The following STX11 variants were observed in gnomAD, a reference collection of about 807,000 sequenced individuals.
STX11 encodes syntaxin 11.
In STX11, 21 loss-of-function variants were observed where a neutral mutation model predicts 19.9. The observed-to-expected ratio is 1.06, with a 90% CI of 0.75 to 1.52. STX11 has a LOEUF of 1.52. STX11 is among the 40% of genes most tolerant of loss of function. The pLI, the probability that STX11 is intolerant of heterozygous loss-of-function variation, is 0.00. For synonymous variants in STX11, 193 were observed against 174.4 expected (o/e 1.11, Z -0.84); for missense variants, 438 against 405.9 (o/e 1.08, Z -0.68).
chr6:144,175,519 C>G lies in STX11; in HGVS notation c.-5-11104C>G, dbSNP rs183162011. On this transcript the variant is annotated intron_variant, in intron 1 of 1. Coordinates refer to ENST00000367568, the MANE Select transcript of STX11 (RefSeq NM_003764.4). The surrounding 1 kb of genome is among the most constrained non-coding windows in gnomAD (Gnocchi z 5.1). Reference sequence around the variant, plus strand: ...ATGGGGTTTCACCATGTTGACCAGGCTGGTCTTGAACTCCTGAACTTAGGT... The same window carrying G: ...ATGGGGTTTCACCATGTTGACCAGGGTGGTCTTGAACTCCTGAACTTAGGT... Among the ~76,000 whole-genome samples the G allele has an allele frequency of 1.7e-3, 253 of 152,160 alleles. 1 individual carries two copies. Among genetic ancestry groups the G allele is most frequent in the Middle Eastern group, 0.01 (3 of 294 alleles).
At chr6:144,142,010 A>G in the STX11 span, among the ~76,000 whole-genome samples, 517 of 151,702 alleles carry the variant, frequency 3.4e-3, 3 homozygotes, top group African/African-American at 0.012. Context: ...ATTGTTCTTG[A>G]ATTATTAATG....
At position 144,191,672 on chromosome 6, in the gene STX11, T is replaced by C. The variant is rs2128759313; in HGVS notation, c.*4181T>C. On this transcript the variant is annotated 3_prime_UTR_variant, in exon 2 of 2. Coordinates refer to ENST00000367568, the MANE Select transcript of STX11 (RefSeq NM_003764.4). ...CCAACTGCAGCATGCAACTCATTCA[T>C]TTGTAATCAAGACGATAGTTTGAAA... is the stretch of plus-strand genomic sequence containing the variant. Among the ~76,000 whole-genome samples the C allele has an allele frequency of 6.6e-6, 1 of 152,346 alleles. No individual in the cohort carries two copies. Among genetic ancestry groups the C allele is most frequent in the East Asian group, 1.9e-4 (1 of 5,190 alleles).
Position 144,176,176 on chromosome 6 carries a change from C to T in STX11, c.-5-10447C>T, listed in dbSNP as rs1211467405. ...AGAAACAGAGCAGAGAATATTGCTC[C>T]TTAACAACACTAGCGCCTCCCGACC... On this transcript the variant is annotated intron_variant, in intron 1 of 1. Coordinates refer to ENST00000367568, the MANE Select transcript of STX11 (RefSeq NM_003764.4). This position sits in a 1 kb window ranked among gnomAD's most constrained non-coding sequence, Gnocchi z 4.1. Among the ~76,000 whole-genome samples the T allele has an allele frequency of 1.3e-5, 2 of 152,138 alleles. No homozygotes were observed.
Position 144,162,515 on chromosome 6 carries a change from G to A in STX11, c.-6+11812G>A, listed in dbSNP as rs55714082. ...CTATTTTATCCAGAATGTGGAAGGC[G>A]TCTTCAAAAATGCAAATATGCTTTC... On this transcript the variant is annotated intron_variant, in intron 1 of 1. Coordinates refer to ENST00000367568, the MANE Select transcript of STX11 (RefSeq NM_003764.4). The surrounding 1 kb of genome is among the most constrained non-coding windows in gnomAD (Gnocchi z 4.6). Among the ~76,000 whole-genome samples, 9,614 of 152,190 alleles carry A rather than the reference G, an allele frequency of 0.063. 956 individuals are homozygous for A. The highest frequency in any genetic ancestry group is 0.21 in the African/African-American group (8,811 of 41,468).
the STX11 span, among the ~76,000 whole-genome samples, chr6:144,144,154 C>G: frequency 6.6e-6 from 1 of 152,106 alleles, no homozygotes; most frequent in Non-Finnish European, 1.5e-5. Flanking sequence ...GTGCTAGGCT[C>G]TAGGTAAAAA....
At position 144,174,256 on chromosome 6, in the gene STX11, A is replaced by G. The variant is rs1252839650; in HGVS notation, c.-5-12367A>G. ...TTGCATCATATTTGCTAATGTCTCA[A>G]TGGTCAAAGCAAATCTCAGTCTCAT... On this transcript the variant is annotated intron_variant, in intron 1 of 1. Transcript: ENST00000367568. This position sits in a 1 kb window ranked among gnomAD's most constrained non-coding sequence, Gnocchi z 5.3. Among the ~76,000 whole-genome samples, 2 of 152,218 alleles carry G rather than the reference A, an allele frequency of 1.3e-5. No homozygotes were observed. Among genetic ancestry groups the G allele is most frequent in the Non-Finnish European group, 2.9e-5 (2 of 68,034 alleles).
At chr6:144,140,254 A>ATTTTT in the STX11 span, among the ~76,000 whole-genome samples, 9 of 38,886 alleles carry the variant, frequency 2.3e-4, no homozygotes, top group African/African-American at 1.2e-3. Flanking sequence ...ATATATATAT[A>ATTTTT]TTTATTTATT....
chr6:144,140,262 A>ATATATATT, the STX11 span, among the ~76,000 whole-genome samples: 1 of 55,124 alleles, frequency 1.8e-5, no homozygotes, highest in Non-Finnish European at 3.2e-5. Context: ...ATATTTATTT[A>ATATATATT]TTTATTTTTT....
chr6:144,147,913 T>C (rs1007755748), upstream of STX11, among the ~76,000 whole-genome samples: 2 of 152,014 alleles, frequency 1.3e-5, no homozygotes, highest in African/African-American at 2.4e-5. The surrounding 1 kb of genome is among the most constrained non-coding windows in gnomAD (Gnocchi z 4.2). Context: ...CTCAAAAAAA[T>C]TAAAAATGTC....
At chr6:144,148,351 C>T (rs887764037), upstream of STX11, among the ~76,000 whole-genome samples, 2 of 152,208 alleles carry the variant, frequency 1.3e-5, no homozygotes, top group Non-Finnish European at 2.9e-5. Flanking sequence ...ATCCCAATAG[C>T]TGCATTGTTT....
upstream of STX11, among the ~76,000 whole-genome samples, chr6:144,145,593 T>C (rs1342499716): frequency 6.6e-6 from 1 of 152,180 alleles, no homozygotes; most frequent in East Asian, 1.9e-4. Context: ...AATCTTGTCA[T>C]TGTGACAACA....
At position 144,151,358 on chromosome 6, in the gene STX11, C is replaced by G. The variant is rs1245169218; in HGVS notation, c.-6+655C>G. ...TGTATTACTTCCTGTGGTTCTCACG[C>G]ACTTGTTTCAGCCGTTTCTCAGCAG... On this transcript the variant is annotated intron_variant, in intron 1 of 1. Coordinates refer to ENST00000367568, the MANE Select transcript of STX11 (RefSeq NM_003764.4). The surrounding 1 kb of genome is among the most constrained non-coding windows in gnomAD (Gnocchi z 4.6). 1.0e-6 allele frequency: 1 copy of G among 985,430 alleles called. No individual in the cohort carries two copies. 61.0% of individuals were successfully genotyped at this position (985,430 alleles called of 1,614,324 possible). A position where few individuals can be genotyped will look rare whatever the true frequency, so the allele number is the denominator to read the frequency against.
chr6:144,179,646 A>C (rs1400437640), intron 1 of STX11, among the ~76,000 whole-genome samples: 1 of 152,194 alleles, frequency 6.6e-6, no homozygotes, highest in Non-Finnish European at 1.5e-5. Context: ...CACAGATGAG[A>C]GAGACTGGCA....
chr6:144,151,422 C>G lies in STX11; in HGVS notation c.-6+719C>G, dbSNP rs1801004095. On this transcript the variant is annotated intron_variant, in intron 1 of 1. Coordinates refer to ENST00000367568, the MANE Select transcript of STX11 (RefSeq NM_003764.4). The surrounding 1 kb of genome is among the most constrained non-coding windows in gnomAD (Gnocchi z 4.6). ...TATTTACAGGTATCCAAAAATGAGTCACAGGGCTGCTCTCTTAATTGTGAG... is the reference window on the plus strand; with the variant it reads ...TATTTACAGGTATCCAAAAATGAGTGACAGGGCTGCTCTCTTAATTGTGAG... 1 of 985,258 alleles carries G rather than the reference C, an allele frequency of 1.0e-6. No homozygotes were observed. Among genetic ancestry groups the G allele is most frequent in the South Asian group, 4.7e-5 (1 of 21,288 alleles). The allele number at this position is 985,258 out of a possible 1,614,324, so 61.0% of individuals were successfully genotyped here. A position where few individuals can be genotyped will look rare whatever the true frequency, so the allele number is the denominator to read the frequency against.
chr6:144,170,688 CCT>C lies in STX11; in HGVS notation c.-5-15933_-5-15932del, dbSNP rs1350604200. Reference sequence around the variant, plus strand: ...ATAGTTGGAAGAAAGATATTTAAAACCTCAAGTAATTGAGTAATGCACAGGTA... The same window carrying C: ...ATAGTTGGAAGAAAGATATTTAAAACCAAGTAATTGAGTAATGCACAGGTA... On this transcript the variant is annotated intron_variant, in intron 1 of 1. Coordinates refer to ENST00000367568, the MANE Select transcript of STX11 (RefSeq NM_003764.4). The surrounding 1 kb of genome is among the most constrained non-coding windows in gnomAD (Gnocchi z 4.7). 6.6e-6 allele frequency among the ~76,000 whole-genome samples: 1 copy of C among 152,082 alleles called. No homozygotes were observed. Among genetic ancestry groups the C allele is most frequent in the East Asian group, 1.9e-4 (1 of 5,204 alleles).
In STX11 at chr6:144,154,168, C is replaced by T. The variant is rs1322717919; in HGVS notation, c.-6+3465C>T. ...AGCACTTGGTTCCAGAGCTTGCATTCTGAAGCACCCTGCTGTGATGTGCTG... is the reference window on the plus strand; with the variant it reads ...AGCACTTGGTTCCAGAGCTTGCATTTTGAAGCACCCTGCTGTGATGTGCTG... On this transcript the variant is annotated intron_variant, in intron 1 of 1. Transcript: ENST00000367568. The surrounding 1 kb of genome is among the most constrained non-coding windows in gnomAD (Gnocchi z 4.7). Among the ~76,000 whole-genome samples the T allele has an allele frequency of 2.0e-5, 3 of 152,184 alleles. No homozygotes were observed. Among genetic ancestry groups the T allele is most frequent in the Non-Finnish European group, 4.4e-5 (3 of 68,036 alleles).
At position 144,150,548 on chromosome 6, in the gene STX11, G is replaced by A; in HGVS notation, c.-161G>A. ...GGCCGCGGCGGCGCGGAGCTCGGGC[G>A]GCCGTGGAGGAACTCAGCCTCGGCC... On this transcript the variant is annotated 5_prime_UTR_variant, in exon 1 of 2. Transcript: ENST00000367568. 1.0e-6 allele frequency: 1 copy of A among 985,418 alleles called. No individual in the cohort carries two copies. Among genetic ancestry groups the A allele is most frequent in the Non-Finnish European group, 1.2e-6 (1 of 829,952 alleles). 61.0% of individuals were successfully genotyped at this position (985,418 alleles called of 1,614,324 possible). A position where few individuals can be genotyped will look rare whatever the true frequency, so the allele number is the denominator to read the frequency against.
upstream of STX11, among the ~76,000 whole-genome samples, chr6:144,147,338 G>C (rs1344927678): frequency 1.3e-5 from 2 of 152,064 alleles, no homozygotes; most frequent in African/African-American, 4.8e-5. The surrounding 1 kb of genome is among the most constrained non-coding windows in gnomAD (Gnocchi z 4.2). Context: ...CCATTCCTCA[G>C]TTTTCCGTCC....
chr6:144,191,774 G>A lies in STX11; in HGVS notation c.*4283G>A, dbSNP rs145148729. Among the ~76,000 whole-genome samples the A allele has an allele frequency of 3.0e-3, 458 of 152,170 alleles. 1 individual carries two copies. The highest frequency in any genetic ancestry group is 0.01 in the African/African-American group (416 of 41,488). On this transcript the variant is annotated 3_prime_UTR_variant, in exon 2 of 2. Transcript: ENST00000367568. ...AAAATCATTGCAATTAATAAAATGG[G>A]GCTATTAGAAATGGAAAACGAATAG...
Sources: gnomAD v4.1 joint callset for allele counts (sites outside exome capture counted in the v4.1 genomes callset) on GRCh38, gnomAD v4.1.1 for gene constraint, Gnocchi (gnomAD v3.1) non-coding constraint, MANE v1.5 for transcripts, NCBI Gene and HGNC (gene_info 2026-07-23, HGNC 2026-07-21) for gene names.